Variants in MGME1 observed in about 807,000 individuals in gnomAD.
The protein encoded by MGME1 is mitochondrial genome maintenance exonuclease 1.
MGME1 carries 22 observed loss-of-function variants against 33.0 expected under a neutral mutation model. The ratio of observed to expected loss-of-function variants is 0.67; its 90% CI spans 0.48 to 0.95. MGME1 has a LOEUF of 0.95. Among genes scored for constraint, MGME1 ranks in the 40% least tolerant of loss-of-function variants. MGME1 has a pLI of 0.00. For synonymous variants in MGME1, 133 were observed against 144.0 expected (o/e 0.92, Z 0.55); for missense variants, 383 against 397.8 (o/e 0.96, Z 0.32).
chr20:17,972,898 A>G (rs2035765787), intron 2 of MGME1: 3 of 518,836 alleles, frequency 5.8e-6, no homozygotes, highest in Non-Finnish European at 7.4e-6. Flanking sequence ...CTTTAATTCC[A>G]TCAGTCATAA....
rs1568608992 is a variant in MGME1, at chr20:17,975,734, T to G, written c.562T>G (p.Ser188Ala). The G allele has an allele frequency of 2.5e-6, 4 of 1,614,120 alleles. No individual in the cohort carries two copies. The South Asian group carries it at 4.4e-5, about 18-fold the overall frequency. Residue 188 changes from serine to alanine, a missense_variant, in exon 3 of 5, where the codon TCA becomes GCA. Coordinates refer to ENST00000377710, the MANE Select transcript of MGME1 (RefSeq NM_052865.4). ...CCACGAAGCCTTGGAAAGCATACTT[T>G]CACCCCAGGAAACCTTAAAAGAGAG... is the stretch of plus-strand genomic sequence containing the variant. ...RFHEALESIL[S>A]PQETLKERDE...
At chr20:17,977,434 A>T (rs534160159) in intron 3 of MGME1, among the ~76,000 whole-genome samples, 1 of 152,136 alleles carries the variant, frequency 6.6e-6, no homozygotes, top group East Asian at 1.9e-4. Flanking sequence ...TGCAGTGCAA[A>T]GTAAAAGCAG....
chr20:17,980,225 C>T (rs1261804519), intron 3 of MGME1, among the ~76,000 whole-genome samples: 3 of 151,738 alleles, frequency 2.0e-5, no homozygotes, highest in Admixed American at 6.6e-5. Context: ...GGGGTTTCAC[C>T]ATGTTGGCCA....
chr20:17,969,796 A>G lies in MGME1; in HGVS notation c.-59-5A>G. ...TCGCTTTGATGGTTGTTTTCTCTCC[A>G]ATAGGAATACAAACATAAAGGCCTT... On this transcript the variant is annotated splice_polypyrimidine_tract_variant and splice_region_variant and intron_variant, in intron 1 of 4. Transcript: ENST00000377710. The G allele has an allele frequency of 6.8e-7, 1 of 1,476,966 alleles. No individual in the cohort carries two copies. Among genetic ancestry groups the G allele is most frequent in the Non-Finnish European group, 9.1e-7 (1 of 1,101,252 alleles). 91.5% of individuals were successfully genotyped at this position (1,476,966 alleles called of 1,614,324 possible).
chr20:17,977,561 TAAAA>T (rs918113941), intron 3 of MGME1, among the ~76,000 whole-genome samples: 1 of 151,990 alleles, frequency 6.6e-6, no homozygotes, highest in Non-Finnish European at 1.5e-5. Flanking sequence ...ATATATAAGA[TAAAA>T]AAAGAGATCT....
At chr20:17,968,628 C>A (rs1045928223), upstream of MGME1, 2 of 622,068 alleles carry the variant, frequency 3.2e-6, no homozygotes, top group African/African-American at 1.9e-5. Context: ...GCCACGTGCT[C>A]CCCCAGAGCA....
chr20:17,973,503 A>T (rs955777887), intron 2 of MGME1, among the ~76,000 whole-genome samples: 1 of 151,918 alleles, frequency 6.6e-6, no homozygotes, highest in Non-Finnish European at 1.5e-5. Context: ...AATTTTTTTG[A>T]ATTAGCCAGG....
At chr20:17,974,969 T>C (rs1427517625) in intron 2 of MGME1, among the ~76,000 whole-genome samples, 1 of 152,176 alleles carries the variant, frequency 6.6e-6, no homozygotes, top group Admixed American at 6.5e-5. Context: ...AGTTTTGGTC[T>C]AAAAAGAACT....
intron 2 of MGME1, 33 bp from the exon 3 acceptor site, chr20:17,975,651 C>G (rs990756799): frequency 1.3e-6 from 2 of 1,496,400 alleles, no homozygotes; most frequent in African/African-American, 1.4e-5. Flanking sequence ...GTTTGTGTTT[C>G]CCCCCTCCCC....
chr20:17,975,955 G>T, intron 3 of MGME1, 52 bp downstream of exon 3: 1 of 1,402,164 alleles, frequency 7.1e-7, no homozygotes, highest in Non-Finnish European at 1.0e-6. Context: ...GATGGTGCCT[G>T]TCAAAGGTGT....
At chr20:17,970,890 C>G (rs1280658706) in intron 2 of MGME1, among the ~76,000 whole-genome samples, 1 of 152,210 alleles carries the variant, frequency 6.6e-6, no homozygotes, top group African/African-American at 2.4e-5. Context: ...AGGATAAATA[C>G]ACTTTAACCT....
At chr20:17,970,617 TA>T (rs2035703337) in intron 2 of MGME1, among the ~76,000 whole-genome samples, 1 of 152,244 alleles carries the variant, frequency 6.6e-6, no homozygotes, top group Non-Finnish European at 1.5e-5. Flanking sequence ...AATATTTGAC[TA>T]AATAATACAT....
intron 3 of MGME1, among the ~76,000 whole-genome samples, chr20:17,981,905 A>C (rs1024796656): frequency 1.3e-5 from 2 of 151,960 alleles, no homozygotes; most frequent in Non-Finnish European, 2.9e-5. Flanking sequence ...CACCCATCTC[A>C]GCCTCCCAAA....
upstream of MGME1, chr20:17,968,910 T>TTCGGAGACGCCGGCCCTTCCGC (rs2035630181): frequency 6.3e-6 from 1 of 158,698 alleles, no homozygotes; most frequent in Admixed American, 6.5e-5. Context: ...GCTCCCGCGC[T>TTCGGAGACGCCGGCCCTTCCGC]TCGGAGACGC....
At chr20:17,986,067 G>A (rs986059216) in intron 3 of MGME1, among the ~76,000 whole-genome samples, 1 of 151,418 alleles carries the variant, frequency 6.6e-6, no homozygotes, top group African/African-American at 2.4e-5. Flanking sequence ...AAATGATGTT[G>A]GAATTTTTTT....
intron 3 of MGME1, 24 bp from the exon 4 acceptor site, chr20:17,988,142 A>T (rs765382031): frequency 3.2e-4 from 515 of 1,598,082 alleles, no homozygotes; most frequent in Non-Finnish European, 4.3e-4. Context: ...TTACCTACAA[A>T]GTCTTCCTGT....
At chr20:17,976,657 G>T (rs763067875) in intron 3 of MGME1, among the ~76,000 whole-genome samples, 1 of 151,926 alleles carries the variant, frequency 6.6e-6, no homozygotes, top group African/African-American at 2.4e-5. Context: ...GTTTTGTTTT[G>T]TTTTGTTTCG....
At chr20:17,975,188 C>T (rs1349422360) in intron 2 of MGME1, among the ~76,000 whole-genome samples, 4 of 152,058 alleles carry the variant, frequency 2.6e-5, no homozygotes, top group South Asian at 2.1e-4. Flanking sequence ...TTAATAATCC[C>T]GTTGGTTTCA....
At chr20:17,968,609 GA>G (rs1320782041), upstream of MGME1, 4 of 635,436 alleles carry the variant, frequency 6.3e-6, no homozygotes, top group Admixed American at 9.7e-5. Flanking sequence ...GGGAGCAGGC[GA>G]GCAGGGCGCC....
Sources: gnomAD v4.1 joint callset for allele counts (sites outside exome capture counted in the v4.1 genomes callset) on GRCh38, gnomAD v4.1.1 for gene constraint, MANE v1.5 for transcripts, NCBI Gene and HGNC (gene_info 2026-07-23, HGNC 2026-07-21) for gene names.